Variants in ZAP70 observed in about 807,000 individuals in gnomAD.
ZAP70 encodes zeta chain of T cell receptor associated protein kinase 70.
Under a neutral mutation model 65.8 loss-of-function variants are expected in ZAP70, and 27 were observed. The ratio of observed to expected loss-of-function variants is 0.41; its 90% confidence interval spans 0.30 to 0.57. The LOEUF is 0.57. ZAP70 is among the 20% of genes least tolerant of loss of function. The probability of loss-of-function intolerance (pLI) is 0.28; values close to 1 mark genes in which losing one functional copy is unlikely to be tolerated. For synonymous variants in ZAP70, 363 were observed against 360.8 expected, an observed-to-expected ratio of 1.01 and a Z score of -0.07; for missense variants, 696 against 870.5, an observed-to-expected ratio of 0.80 and a Z score of 2.52.
the ZAP70 span, among the ~76,000 whole-genome samples, chr2:97,751,508 T>C: frequency 9.8e-5 from 15 of 152,340 alleles, no homozygotes; most frequent in African/African-American, 3.6e-4. Context: ...CTGAGAGGTA[T>C]GCTATTTTTA....
Position 97,715,722 on chromosome 2 carries a change from T to G in ZAP70, c.-22+1728T>G, listed in dbSNP as rs997841757. On this transcript the variant is annotated intron_variant, in intron 2 of 13. Transcript: ENST00000264972. This position sits in a 1 kb window ranked among gnomAD's most constrained non-coding sequence, Gnocchi z 4.1. ...CCTTGCAGGCTGCATGTTCTGAGAG[T>G]GACATTGACCTCTCCGAGCCTCAGT... Among the ~76,000 whole-genome samples the G allele has an allele frequency of 6.6e-6, 1 of 152,078 alleles. No homozygotes were observed. Among genetic ancestry groups the G allele is most frequent in the Non-Finnish European group, 1.5e-5 (1 of 68,014 alleles).
chr2:97,754,655 G>A, the ZAP70 span, among the ~76,000 whole-genome samples: 10 of 152,122 alleles, frequency 6.6e-5, no homozygotes, highest in South Asian at 4.1e-4. Context: ...CGCCCACCTC[G>A]GCCTCCCAAG....
At chr2:97,724,817 G>C (rs1472540669) in intron 3 of ZAP70, 3 of 1,513,938 alleles carry the variant, frequency 2.0e-6, no homozygotes, top group Non-Finnish European at 2.6e-6. Context: ...GTCGTCCACA[G>C]CCTGAGTGAC....
chr2:97,734,811 G>A, intron 9 of ZAP70, 99 bp downstream of exon 9: 1 of 1,504,176 alleles, frequency 6.6e-7, no homozygotes, highest in East Asian at 2.3e-5. Context: ...CTGTCTCACA[G>A]CAGTTTGCCT....
the ZAP70 span, among the ~76,000 whole-genome samples, chr2:97,751,979 C>T: frequency 6.6e-6 from 1 of 152,188 alleles, no homozygotes; most frequent in African/African-American, 2.4e-5. Context: ...ACAAGAGACT[C>T]AGCAGGGCCA....
intron 4 of ZAP70, among the ~76,000 whole-genome samples, chr2:97,732,326 C>A (rs1677643728): frequency 6.6e-6 from 1 of 152,156 alleles, no homozygotes; most frequent in South Asian, 2.1e-4. Context: ...TGGAGCTGCG[C>A]CTACCTGTGT....
At chr2:97,725,971 G>A (rs1289913938) in intron 4 of ZAP70, among the ~76,000 whole-genome samples, 1 of 152,106 alleles carries the variant, frequency 6.6e-6, no homozygotes, top group Non-Finnish European at 1.5e-5. Flanking sequence ...GGGCAGGGCG[G>A]GGACTTTAGC....
At chr2:97,750,714 C>A in the ZAP70 span, among the ~76,000 whole-genome samples, 1 of 152,236 alleles carries the variant, frequency 6.6e-6, no homozygotes, top group South Asian at 2.1e-4. Context: ...TTCTAATAGT[C>A]ACAAACTGTC....
chr2:97,718,304 G>A lies in ZAP70; in HGVS notation c.-22+4310G>A, dbSNP rs1677024840. 1.3e-5 allele frequency among the ~76,000 whole-genome samples: 2 copies of A among 152,184 alleles called. 1 individual carries two copies. The highest frequency in any genetic ancestry group is 4.1e-4 in the South Asian group (2 of 4,834). ...CCCCGGGGAGCTCTAGATCGGTGCA[G>A]CTCACTGACAGCAGACACTCCGGCT... On this transcript the variant is annotated intron_variant, in intron 2 of 13. Transcript: ENST00000264972.
chr2:97,735,476 G>A lies in ZAP70; in HGVS notation c.1289+20G>A, dbSNP rs56408006. Reference sequence around the variant, plus strand: ...CAAGAGGTGAGCACCGGGTGGGCCCGGCCATCGGGTGGGTGGGGCCGGGGC... The same window carrying A: ...CAAGAGGTGAGCACCGGGTGGGCCCAGCCATCGGGTGGGTGGGGCCGGGGC... On this transcript the variant is annotated intron_variant, in intron 10 of 13. Transcript: ENST00000264972. The A allele has an allele frequency of 1.1e-4, 172 of 1,600,850 alleles. No homozygotes were observed. Among genetic ancestry groups the A allele is most frequent in the Non-Finnish European group, 1.4e-4 (161 of 1,171,964 alleles).
At chr2:97,738,739 AC>A (rs1225244291) in intron 13 of ZAP70, among the ~76,000 whole-genome samples, 3 of 151,332 alleles carry the variant, frequency 2.0e-5, no homozygotes, top group African/African-American at 7.3e-5. Context: ...ACACCCCAAC[AC>A]CCAAGCAGCC....
In ZAP70 at chr2:97,731,937, C is replaced by G. The variant is rs1677626742; in HGVS notation, c.564-946C>G. On this transcript the variant is annotated intron_variant, in intron 4 of 13. Coordinates refer to ENST00000264972, the MANE Select transcript of ZAP70 (RefSeq NM_001079.4). The surrounding 1 kb of genome is among the most constrained non-coding windows in gnomAD (Gnocchi z 4.0). Reference sequence around the variant, plus strand: ...CCTCCCTCCTCACTGTAAAGCTACACTTGACCCTGCAATAGAGGCTTGTGC... The same window carrying G: ...CCTCCCTCCTCACTGTAAAGCTACAGTTGACCCTGCAATAGAGGCTTGTGC... Among the ~76,000 whole-genome samples, 1 of 152,114 alleles carries G rather than the reference C, an allele frequency of 6.6e-6. No homozygotes were observed. The highest frequency in any genetic ancestry group is 1.5e-5 in the Non-Finnish European group (1 of 68,028).
rs532498218 is a variant in ZAP70, at chr2:97,738,987, A to G, written c.1737-388A>G. On this transcript the variant is annotated intron_variant, in intron 13 of 13. Coordinates refer to ENST00000264972, the MANE Select transcript of ZAP70 (RefSeq NM_001079.4). Reference sequence around the variant, plus strand: ...GATCACCAGCCTTGCACTCCCTCTCATCTAAGCCCCAGCACACTGATACCC... The same window carrying G: ...GATCACCAGCCTTGCACTCCCTCTCGTCTAAGCCCCAGCACACTGATACCC... 3.9e-5 allele frequency among the ~76,000 whole-genome samples: 6 copies of G among 152,088 alleles called. No homozygotes were observed. The South Asian group carries it at 1.2e-3, about 32-fold the overall frequency.
At position 97,724,307 on chromosome 2, in the gene ZAP70, C is replaced by A. The variant is rs1265925158; in HGVS notation, c.271C>A (p.Pro91Thr). The change falls in exon 3 of 14, where the codon CCC (proline) becomes ACC (threonine). Residue 91 changes from proline (P) to threonine (T), a missense_variant. By Grantham distance (38) the Pro-to-Thr change is conservative. Coordinates refer to ENST00000264972, the MANE Select transcript of ZAP70 (RefSeq NM_001079.4). The part of the protein sequence containing the change: ...AELCEFYSRD[P>T]DGLPCNLRKP... Reference sequence around the variant, plus strand: ...GCTCTGCGAGTTCTACTCGCGCGACCCCGACGGGCTGCCCTGCAACCTGCG... The same window carrying A: ...GCTCTGCGAGTTCTACTCGCGCGACACCGACGGGCTGCCCTGCAACCTGCG... 2 of 1,589,586 alleles carry A rather than the reference C, an allele frequency of 1.3e-6. No homozygotes were observed. Among genetic ancestry groups the A allele is most frequent in the South Asian group, 2.2e-5 (2 of 89,890 alleles).
the ZAP70 span, among the ~76,000 whole-genome samples, chr2:97,751,033 A>G: frequency 2.0e-5 from 3 of 152,206 alleles, no homozygotes; most frequent in African/African-American, 7.2e-5. Context: ...ATCATCTATG[A>G]TAATTTTACG....
chr2:97,737,379 T>C lies in ZAP70; in HGVS notation c.1290-94T>C. On this transcript the variant is annotated intron_variant, in intron 10 of 13. Transcript: ENST00000264972. This position sits in a 1 kb window ranked among gnomAD's most constrained non-coding sequence, Gnocchi z 5.0. The stretch of plus-strand genomic sequence containing the variant: ...AAGCGTTTTTGAACACATGGTCACC[T>C]GGCTCATGCCCAGCTGGGTCAGAGA... 7.3e-7 allele frequency: 1 copy of C among 1,378,872 alleles called. No homozygotes were observed. The allele number at this position is 1,378,872 out of a possible 1,614,324, so 85.4% of individuals were successfully genotyped here.
rs79585198 is a variant in ZAP70, at chr2:97,715,034, C to T, written c.-22+1040C>T. Among the ~76,000 whole-genome samples, 22 of 152,248 alleles carry T rather than the reference C, an allele frequency of 1.4e-4. No individual in the cohort carries two copies. The highest frequency in any genetic ancestry group is 4.3e-4 in the African/African-American group (18 of 41,548). On this transcript the variant is annotated intron_variant, in intron 2 of 13. Transcript: ENST00000264972. This position sits in a 1 kb window ranked among gnomAD's most constrained non-coding sequence, Gnocchi z 4.1. ...AGAGAGTGACTGTATCCACACTGCC[C>T]GGCACATACAGGTGCTGCAGAAAGG... is the stretch of plus-strand genomic sequence containing the variant.
At position 97,735,328 on chromosome 2, in the gene ZAP70, G is replaced by A. The variant is rs1388745613; in HGVS notation, c.1161G>A (p.Ala387=). The A allele has an allele frequency of 1.2e-6, 2 of 1,614,036 alleles. No homozygotes were observed. The highest frequency in any genetic ancestry group is 1.7e-5 in the Admixed American group (1 of 60,012). ...ACACGGAAGAGATGATGCGCGAGGCGCAGATCATGCACCAGCTGGACAACC... is the reference window on the plus strand; with the variant it reads ...ACACGGAAGAGATGATGCGCGAGGCACAGATCATGCACCAGCTGGACAACC... ...KADTEEMMRE[A]QIMHQLDNPY... Residue 387 remains alanine (A), a synonymous_variant, in exon 10 of 14, where the codon GCG becomes GCA. Transcript: ENST00000264972.
At chr2:97,740,102 G>A (rs1325814584), downstream of ZAP70, among the ~76,000 whole-genome samples, 4 of 151,934 alleles carry the variant, frequency 2.6e-5, no homozygotes, top group Admixed American at 6.5e-5. Flanking sequence ...GCTGAGCCCA[G>A]CTCCCCTGTG....
Sources: gnomAD v4.1 joint callset for allele counts (sites outside exome capture counted in the v4.1 genomes callset) on GRCh38, gnomAD v4.1.1 for gene constraint, Gnocchi (gnomAD v3.1) non-coding constraint, MANE v1.5 for transcripts, NCBI Gene and HGNC (gene_info 2026-07-23, HGNC 2026-07-21) for gene names.